FAM98A: variants seen among roughly 807,000 people sequenced by gnomAD.
The protein encoded by FAM98A is protein FAM98A.
A neutral mutation model predicts 62.9 loss-of-function variants in FAM98A; 25 were observed. The observed-to-expected ratio is 0.40, with a 90% CI of 0.29 to 0.56. The LOEUF is 0.56. FAM98A is among the 20% of genes least tolerant of loss of function. The pLI is 0.51. For synonymous variants in FAM98A, 252 were observed against 228.6 expected, an observed-to-expected ratio of 1.10 and a Z score of -0.92; for missense variants, 653 against 640.7, an observed-to-expected ratio of 1.02 and a Z score of -0.21.
At chr2:33,597,946 G>C (rs536158407) in intron 1 of FAM98A, among the ~76,000 whole-genome samples, 9 of 152,322 alleles carry the variant, frequency 5.9e-5, no homozygotes, top group African/African-American at 2.2e-4. Context: ...GATTCAGTCT[G>C]AGATGTCAAC....
chr2:33,594,769 A>C (rs563043186), intron 2 of FAM98A, among the ~76,000 whole-genome samples: 1 of 151,760 alleles, frequency 6.6e-6, no homozygotes, highest in Non-Finnish European at 1.5e-5. Context: ...GATTATGTGG[A>C]AAAAAAGGAA....
At chr2:33,586,793 C>A in intron 5 of FAM98A, 115 bp from the exon 6 acceptor site, 2 of 662,526 alleles carry the variant, frequency 3.0e-6, no homozygotes, top group South Asian at 3.5e-5. Context: ...ATTTAACAGT[C>A]AAAAGTTCTT....
At position 33,591,950 on chromosome 2, in the gene FAM98A, G is replaced by A. The variant is rs11885608; in HGVS notation, c.337+130C>T. 5,845 of 897,942 alleles carry A rather than the reference G, an allele frequency of 6.5e-3. 241 individuals carry two copies. The African/African-American group carries it at 0.087, about 13-fold the overall frequency. The allele number at this position is 897,942 out of a possible 1,614,324, so 55.6% of individuals were successfully genotyped here. The stretch of plus-strand genomic sequence containing the variant: ...GCTCCTAAATTGGAAATTTAAGAAA[G>A]TTTTATTTTAAAATGAATTTTGAAT... On this transcript the variant is annotated intron_variant, in intron 3 of 7. Coordinates refer to ENST00000238823, the MANE Select transcript of FAM98A (RefSeq NM_015475.5).
intron 3 of FAM98A, among the ~76,000 whole-genome samples, chr2:33,590,492 T>C (rs1249029912): frequency 6.6e-6 from 1 of 152,146 alleles, no homozygotes; most frequent in Non-Finnish European, 1.5e-5. Context: ...TGAGTACATG[T>C]AGGTAAATGC....
Position 33,584,928 on chromosome 2 carries a change from C to T in FAM98A, c.1405G>A (p.Gly469Ser), listed in dbSNP as rs766296097. ...CCCTGGCCTGCACGACCACCTCGGC[C>T]TCCACGACCACCTCGCCCACCACGA... ...GGRGGRGGRG[G>S]RGGRAGQGGG... is the part of the protein sequence containing the mutation. The change falls in exon 8 of 8, where the codon GGC becomes AGC. Residue 469 changes from glycine to serine, a missense_variant. Coordinates refer to ENST00000238823, the MANE Select transcript of FAM98A (RefSeq NM_015475.5). 6.2e-7 allele frequency: 1 copy of T among 1,613,944 alleles called. No individual in the cohort carries two copies. Among genetic ancestry groups the T allele is most frequent in the Non-Finnish European group, 8.5e-7 (1 of 1,179,910 alleles).
intron 3 of FAM98A, among the ~76,000 whole-genome samples, chr2:33,590,040 G>A (rs570613599): frequency 3.3e-5 from 5 of 152,164 alleles, no homozygotes; most frequent in South Asian, 2.1e-4. Flanking sequence ...AACTTTAATC[G>A]TAATCAGTAT....
Position 33,584,478 on chromosome 2 carries a change from A to G in FAM98A, c.*298T>C, listed in dbSNP as rs901726032. 128 of 352,962 alleles carry G rather than the reference A, an allele frequency of 3.6e-4. 1 individual carries two copies. Among genetic ancestry groups the G allele is most frequent in the Non-Finnish European group, 3.2e-4 (62 of 195,330 alleles). 21.9% of individuals were successfully genotyped at this position (352,962 alleles called of 1,614,324 possible). A position where few individuals can be genotyped will look rare whatever the true frequency, so the allele number is the denominator to read the frequency against. ...CTTATTCAAGTAATTTCTTCAAAAA[A>G]GTTTGCATGTTCTGACTGTGGAATT... On this transcript the variant is annotated 3_prime_UTR_variant, in exon 8 of 8. Coordinates refer to ENST00000238823, the MANE Select transcript of FAM98A (RefSeq NM_015475.5).
Position 33,584,083 on chromosome 2 carries a change from T to C in FAM98A, c.*693A>G, listed in dbSNP as rs1362991836. 6.5e-6 allele frequency: 1 copy of C among 152,678 alleles called. No individual in the cohort carries two copies. The highest frequency in any genetic ancestry group is 6.5e-5 in the Admixed American group (1 of 15,282). 9.5% of individuals were successfully genotyped at this position (152,678 alleles called of 1,614,324 possible). The stretch of plus-strand genomic sequence containing the variant: ...GTCAGTTTGAATTGCTATACTTAAC[T>C]AAATGCCTACATGTACTATAGCTTC... On this transcript the variant is annotated 3_prime_UTR_variant, in exon 8 of 8. Transcript: ENST00000238823.
At chr2:33,588,008 G>T in intron 4 of FAM98A, 1 of 295,410 alleles carries the variant, frequency 3.4e-6, no homozygotes, top group Non-Finnish European at 6.9e-6. Flanking sequence ...TAAATTGACT[G>T]TATCAAAGTT....
chr2:33,592,960 C>G (rs970360154), intron 2 of FAM98A, among the ~76,000 whole-genome samples: 2 of 152,196 alleles, frequency 1.3e-5, no homozygotes, highest in Admixed American at 1.3e-4. Flanking sequence ...GATATGTCCT[C>G]TACTCTCTTC....
chr2:33,594,950 T>A (rs1192780729), intron 2 of FAM98A, among the ~76,000 whole-genome samples: 1 of 152,166 alleles, frequency 6.6e-6, no homozygotes. Flanking sequence ...ACAAAATTGG[T>A]AAATGCAGAA....
Position 33,599,251 on chromosome 2 carries a change from T to C in FAM98A, c.-30A>G. On this transcript the variant is annotated 5_prime_UTR_variant, in exon 1 of 8. Transcript: ENST00000238823. ...CTGTGGTATTCAAATTTCCGAGTCGTCAGGCTCCCCTCTTCGCCGGCAACG... is the reference window on the plus strand; with the variant it reads ...CTGTGGTATTCAAATTTCCGAGTCGCCAGGCTCCCCTCTTCGCCGGCAACG... The C allele has an allele frequency of 6.3e-7, 1 of 1,597,790 alleles. No individual in the cohort carries two copies. Among genetic ancestry groups the C allele is most frequent in the Non-Finnish European group, 8.6e-7 (1 of 1,165,118 alleles).
At chr2:33,591,942 T>G in intron 3 of FAM98A, 138 bp downstream of exon 3, 1 of 827,936 alleles carries the variant, frequency 1.2e-6, no homozygotes, top group Non-Finnish European at 1.8e-6. Flanking sequence ...AATTGGAAAT[T>G]TAAGAAAGTT....
intron 2 of FAM98A, among the ~76,000 whole-genome samples, chr2:33,594,684 CATATATAT>C (rs1367202662): frequency 0.017 from 333 of 19,394 alleles, 70 homozygotes; most frequent in African/African-American, 0.057. Context: ...TATATACACA[CATATATAT>C]ACACATATAT....
chr2:33,594,384 G>T (rs1677741954), intron 2 of FAM98A, among the ~76,000 whole-genome samples: 1 of 151,482 alleles, frequency 6.6e-6, no homozygotes, highest in African/African-American at 2.4e-5. Context: ...ACACAGGGAG[G>T]GGAACAACAC....
chr2:33,596,811 G>C (rs774496557), intron 1 of FAM98A, among the ~76,000 whole-genome samples: 2 of 145,440 alleles, frequency 1.4e-5, no homozygotes, highest in Non-Finnish European at 3.0e-5. Context: ...AGAATGGCTT[G>C]AATCCAGGAG....
At chr2:33,590,593 T>C (rs921992060) in intron 3 of FAM98A, among the ~76,000 whole-genome samples, 3 of 152,146 alleles carry the variant, frequency 2.0e-5, no homozygotes, top group African/African-American at 7.2e-5. Flanking sequence ...AGTGTGTATA[T>C]ATGTATGTAT....
chr2:33,594,215 C>G (rs1257299801), intron 2 of FAM98A, among the ~76,000 whole-genome samples: 5 of 152,042 alleles, frequency 3.3e-5, no homozygotes, highest in Non-Finnish European at 7.4e-5. Flanking sequence ...TACTGTTACA[C>G]TATACTCTCC....
intron 3 of FAM98A, chr2:33,591,874 G>A: frequency 9.1e-6 from 4 of 438,130 alleles, no homozygotes. Context: ...AATATTGAAA[G>A]AGTATCAGTT....
Sources: gnomAD v4.1 joint callset for allele counts (sites outside exome capture counted in the v4.1 genomes callset) on GRCh38, gnomAD v4.1.1 for gene constraint, MANE v1.5 for transcripts, NCBI Gene and HGNC (gene_info 2026-07-23, HGNC 2026-07-21) for gene names.